Variants in TTF2 observed in about 807,000 individuals in gnomAD.
TTF2 encodes the protein RNA polymerase II termination factor.
In TTF2, 108 loss-of-function variants were observed where a neutral mutation model predicts 142.4. The observed-to-expected ratio is 0.76, with a 90% CI of 0.65 to 0.89. TTF2 has a LOEUF of 0.89. Ranked by LOEUF, TTF2 falls within the 40% of genes least tolerant of loss-of-function variation. The pLI, the probability that TTF2 is intolerant of heterozygous loss-of-function variation, is 0.00. For missense variants in TTF2, 1,327 were observed against 1,379.8 expected (o/e 0.96, Z 0.61); for synonymous variants, 483 against 506.2 (o/e 0.95, Z 0.61).
At position 117,060,372 on chromosome 1, in the gene TTF2, A is replaced by G. The variant is rs754722173; in HGVS notation, c.26A>G (p.His9Arg). 8.1e-6 allele frequency: 13 copies of G among 1,605,718 alleles called. No individual in the cohort carries two copies. Among genetic ancestry groups the G allele is most frequent in the Non-Finnish European group, 9.4e-6 (11 of 1,175,734 alleles). Residue 9 changes from histidine (H) to arginine (R), a missense_variant and splice_region_variant, in exon 1 of 23, where the codon CAC becomes CGC. Coordinates refer to ENST00000369466, the MANE Select transcript of TTF2 (RefSeq NM_003594.4). Reference protein sequence around the residue: MEEVRCPEHGTFCFLKTGV... With the variant: MEEVRCPERGTFCFLKTGV... Reference sequence around the variant, plus strand: ...ATGGAAGAAGTTAGGTGTCCAGAGCACGGTAAGGGGCTAGGGTCTCAGCGT... The same window carrying G: ...ATGGAAGAAGTTAGGTGTCCAGAGCGCGGTAAGGGGCTAGGGTCTCAGCGT...
chr1:117,068,234 A>T (rs1656298199), intron 3 of TTF2, among the ~76,000 whole-genome samples: 1 of 152,224 alleles, frequency 6.6e-6, no homozygotes, highest in East Asian at 1.9e-4. Flanking sequence ...CGTGGGTATA[A>T]CAAGTTTTAG....
At position 117,074,886 on chromosome 1, in the gene TTF2, A is replaced by G. The variant is rs1656866202; in HGVS notation, c.302A>G (p.Glu101Gly). ...TGTCTTTAGGATCCTGATTCCAAAGAACATTCTGTATCCAATAAGTCTCAG... is the reference window on the plus strand; with the variant it reads ...TGTCTTTAGGATCCTGATTCCAAAGGACATTCTGTATCCAATAAGTCTCAG... ...SIPWQDPDSK[E>G]HSVSNKSQHA... The change falls in exon 5 of 23, where the codon GAA (glutamate) becomes GGA (glycine). Residue 101 changes from glutamate to glycine, a missense_variant. Physicochemically the swap from Glu to Gly is moderately conservative, Grantham distance 98 (BLOSUM62 -2). Transcript: ENST00000369466. 13 of 1,582,374 alleles carry G rather than the reference A, an allele frequency of 8.2e-6. No homozygotes were observed. The highest frequency in any genetic ancestry group is 1.0e-5 in the Non-Finnish European group (12 of 1,169,596).
intron 21 of TTF2, chr1:117,098,442 G>C (rs1649337349): frequency 6.5e-6 from 1 of 154,770 alleles, no homozygotes; most frequent in African/African-American, 2.4e-5. Flanking sequence ...TAGCTACCTA[G>C]AGACCAGACC....
At chr1:117,074,071 T>G (rs1273670812) in intron 4 of TTF2, among the ~76,000 whole-genome samples, 1 of 152,192 alleles carries the variant, frequency 6.6e-6, no homozygotes, top group Non-Finnish European at 1.5e-5. Context: ...ATAAGCTAAG[T>G]ATAAGCATAA....
intron 3 of TTF2, among the ~76,000 whole-genome samples, chr1:117,068,595 T>A (rs1656340958): frequency 6.6e-6 from 1 of 151,646 alleles, no homozygotes; most frequent in South Asian, 2.1e-4. Context: ...TAATTGGTTG[T>A]GGTAGATGTT....
At position 117,075,734 on chromosome 1, in the gene TTF2, C is replaced by T. The variant is rs755661274; in HGVS notation, c.1150C>T (p.Leu384Phe). Reference protein sequence around the residue: ...STLDLETKENLQFPDRSVQRK... With the variant: ...STLDLETKENFQFPDRSVQRK... The stretch of plus-strand genomic sequence containing the variant: ...TCTGGACTTAGAGACGAAGGAAAAC[C>T]TCCAATTCCCTGATCGAAGTGTGCA... The change falls in exon 5 of 23, where the codon CTC becomes TTC. Residue 384 changes from leucine to phenylalanine, a missense_variant. Transcript: ENST00000369466. The surrounding 1 kb of genome is among the most constrained non-coding windows in gnomAD (Gnocchi z 4.5). 1 of 1,614,212 alleles carries T rather than the reference C, an allele frequency of 6.2e-7. No individual in the cohort carries two copies. Among genetic ancestry groups the T allele is most frequent in the Non-Finnish European group, 8.5e-7 (1 of 1,180,034 alleles).
intron 2 of TTF2, 64 bp from the exon 3 acceptor site, chr1:117,062,323 G>T: frequency 6.8e-7 from 1 of 1,480,680 alleles, no homozygotes; most frequent in South Asian, 1.2e-5. Flanking sequence ...GTTTTGATTT[G>T]ACTTTAGGAT....
intron 3 of TTF2, among the ~76,000 whole-genome samples, chr1:117,069,195 C>T (rs1338117305): frequency 1.3e-5 from 2 of 152,052 alleles, no homozygotes; most frequent in Admixed American, 1.3e-4. Context: ...AGAGCTGGAC[C>T]ATGTAAAGAT....
At chr1:117,084,597 T>G (rs916447642) in intron 11 of TTF2, among the ~76,000 whole-genome samples, 10 of 152,214 alleles carry the variant, frequency 6.6e-5, no homozygotes, top group African/African-American at 2.4e-4. Context: ...TTATGACTTT[T>G]TAATATATGA....
chr1:117,071,555 A>G (rs186473037), intron 3 of TTF2, among the ~76,000 whole-genome samples: 44 of 152,330 alleles, frequency 2.9e-4, no homozygotes, highest in African/African-American at 1.0e-3. Flanking sequence ...TGAACTGGGC[A>G]GATAGGGTAT....
rs1649722197 is a variant in TTF2 at position 117,103,203 on chromosome 1, C to T, written c.*1679C>T. The T allele has an allele frequency of 6.6e-6, 1 of 152,144 alleles. No homozygotes were observed. The highest frequency in any genetic ancestry group is 1.5e-5 in the Non-Finnish European group (1 of 68,006). 9.4% of individuals were successfully genotyped at this position (152,144 alleles called of 1,614,324 possible). A position where few individuals can be genotyped will look rare whatever the true frequency, so the allele number is the denominator to read the frequency against. ...TGAAGCCTCAGTCCCAGGATGGCTC[C>T]CCATGTACACTTCCCTCCTCGCCCC... On this transcript the variant is annotated 3_prime_UTR_variant, in exon 23 of 23. Coordinates refer to ENST00000369466, the MANE Select transcript of TTF2 (RefSeq NM_003594.4).
chr1:117,076,584 G>A lies in TTF2; in HGVS notation c.1391-57G>A, dbSNP rs116746820. 1.1e-3 allele frequency: 1,721 copies of A among 1,535,044 alleles called. 22 individuals are homozygous for A. In the African/African-American group the frequency reaches 0.021, roughly 19 times the overall value. ...CTCTTGACCTCACCTCCACACATATGGTCCCTTCACTTAGTTTGCTGAACT... is the reference window on the plus strand; with the variant it reads ...CTCTTGACCTCACCTCCACACATATAGTCCCTTCACTTAGTTTGCTGAACT... On this transcript the variant is annotated intron_variant, in intron 6 of 22. Coordinates refer to ENST00000369466, the MANE Select transcript of TTF2 (RefSeq NM_003594.4). The surrounding 1 kb of genome is among the most constrained non-coding windows in gnomAD (Gnocchi z 4.6).
chr1:117,091,442 A>G, intron 16 of TTF2, 32 bp downstream of exon 16: 2 of 1,571,630 alleles, frequency 1.3e-6, no homozygotes, highest in Non-Finnish European at 8.6e-7. Context: ...AATACATATG[A>G]CTGGTGAAAA....
chr1:117,091,184 G>T, intron 15 of TTF2, 144 bp from the exon 16 acceptor site: 1 of 517,756 alleles, frequency 1.9e-6, no homozygotes, highest in Non-Finnish European at 3.3e-6. Context: ...TGTTTCTTTT[G>T]CATTACCTTT....
chr1:117,090,218 T>C lies in TTF2; in HGVS notation c.2496+10T>C. 1 of 1,613,164 alleles carries C rather than the reference T, an allele frequency of 6.2e-7. No individual in the cohort carries two copies. The highest frequency in any genetic ancestry group is 8.5e-7 in the Non-Finnish European group (1 of 1,179,548). On this transcript the variant is annotated intron_variant, in intron 14 of 22. Transcript: ENST00000369466. The surrounding 1 kb of genome is among the most constrained non-coding windows in gnomAD (Gnocchi z 4.8). ...TACTGGCAGACCTTTGGTAATCAAG[T>C]TTGTACCTGTCCCTGGGGGAGGCCA...
Position 117,086,376 on chromosome 1 carries a change from T to A in TTF2, c.2055-41T>A, listed in dbSNP as rs1648011501. ...CTCTGCCTCTCTCATTGTCCCTCTA[T>A]AGTGGGACCATTTATTGATTTCTTT... is the stretch of plus-strand genomic sequence containing the variant. On this transcript the variant is annotated intron_variant, in intron 11 of 22. Transcript: ENST00000369466. The surrounding 1 kb of genome is among the most constrained non-coding windows in gnomAD (Gnocchi z 4.2). 1 of 1,457,192 alleles carries A rather than the reference T, an allele frequency of 6.9e-7. No homozygotes were observed. Among genetic ancestry groups the A allele is most frequent in the Non-Finnish European group, 9.6e-7 (1 of 1,037,932 alleles). The allele number at this position is 1,457,192 out of a possible 1,614,324, so 90.3% of individuals were successfully genotyped here.
intron 13 of TTF2, among the ~76,000 whole-genome samples, chr1:117,089,657 C>G (rs1648389956): frequency 6.6e-6 from 1 of 151,838 alleles, no homozygotes; most frequent in Non-Finnish European, 1.5e-5. Context: ...CCACTGCACT[C>G]CAGCCTGGGT....
intron 21 of TTF2, among the ~76,000 whole-genome samples, chr1:117,098,028 A>G (rs893822990): frequency 1.3e-5 from 2 of 152,200 alleles, no homozygotes; most frequent in Non-Finnish European, 2.9e-5. Flanking sequence ...AGTTATGCCA[A>G]TCAAGGATTG....
intron 3 of TTF2, among the ~76,000 whole-genome samples, chr1:117,067,000 G>A (rs986131701): frequency 2.0e-5 from 3 of 152,102 alleles, no homozygotes; most frequent in African/African-American, 7.2e-5. Context: ...ACCTCACCTG[G>A]CCAAATTGTG....
Sources: gnomAD v4.1 joint callset for allele counts (sites outside exome capture counted in the v4.1 genomes callset) on GRCh38, gnomAD v4.1.1 for gene constraint, Gnocchi (gnomAD v3.1) non-coding constraint, MANE v1.5 for transcripts, NCBI Gene and HGNC (gene_info 2026-07-23, HGNC 2026-07-21) for gene names.